TMSB4X: variants seen among roughly 807,000 people sequenced by gnomAD.
The protein encoded by TMSB4X is thymosin beta-4.
Under a neutral mutation model 3.6 loss-of-function variants are expected in TMSB4X, and 1 was observed. The ratio of observed to expected loss-of-function variants is 0.28; its 90% confidence interval spans 0.10 to 1.32. The LOEUF (loss-of-function observed/expected upper bound fraction) is 1.32. TMSB4X is among the 40% of genes most tolerant of loss of function. The pLI, the probability that TMSB4X is intolerant of heterozygous loss-of-function variation, is 0.45. For missense variants in TMSB4X, 6 were observed against 32.7 expected (o/e 0.18, Z 1.99); for synonymous variants, 12 against 14.3 (o/e 0.84, Z 0.36).
rs1368189496 is a variant in TMSB4X at position 12,976,857 on chromosome X, C to A, written c.*46C>A. On this transcript the variant is annotated 3_prime_UTR_variant, in exon 3 of 3. Coordinates refer to ENST00000451311, the MANE Select transcript of TMSB4X (RefSeq NM_021109.4). ...TGCACTGTACATTCCACAAGCATTGCCTTCTTATTTTACTTCTTTTAGCTG... is the reference window on the plus strand; with the variant it reads ...TGCACTGTACATTCCACAAGCATTGACTTCTTATTTTACTTCTTTTAGCTG... 3 of 1,159,481 alleles carry A rather than the reference C, an allele frequency of 2.6e-6. No homozygotes were observed. The highest frequency in any genetic ancestry group is 3.5e-6 in the Non-Finnish European group (3 of 856,236).
chrX:12,975,929 C>T (rs1340754976), intron 1 of TMSB4X: 1 of 143,146 alleles, frequency 7.0e-6, no homozygotes. Context: ...TTTCCTTGTC[C>T]TAGCCAGCCT....
At chrX:12,975,492 C>G (rs765663711) in intron 1 of TMSB4X, 1 of 113,077 alleles carries the variant, frequency 8.8e-6, no homozygotes, top group Admixed American at 9.2e-5. Context: ...TAGACAAGTC[C>G]TTTGTTCTGA....
At chrX:12,976,400 T>TG (rs749860126) in intron 2 of TMSB4X, 39 bp downstream of exon 2, 31 of 984,023 alleles carry the variant, frequency 3.2e-5, no homozygotes, top group Non-Finnish European at 3.8e-5. Flanking sequence ...AAAGGCTGGG[T>TG]GGGAGCGGCC....
intron 1 of TMSB4X, chrX:12,975,392 C>G (rs115781169): frequency 8.8e-6 from 1 of 113,045 alleles, no homozygotes; most frequent in South Asian, 3.6e-4. Flanking sequence ...TGGCGTTTTG[C>G]CGTGCCGCTC....
intron 2 of TMSB4X, 59 bp from the exon 3 acceptor site, chrX:12,976,718 G>A: frequency 8.7e-7 from 1 of 1,155,996 alleles, no homozygotes; most frequent in Non-Finnish European, 1.2e-6. Flanking sequence ...CCTTTAGTCT[G>A]TACTGAATCC....
intron 1 of TMSB4X, chrX:12,976,036 G>A (rs2043294183): frequency 2.6e-6 from 1 of 382,413 alleles, no homozygotes; most frequent in Admixed American, 4.5e-5. Context: ...TTGGTCCACA[G>A]CGTTTTGAAA....
At chrX:12,976,452 C>A in intron 2 of TMSB4X, 91 bp downstream of exon 2, 1 of 720,652 alleles carries the variant, frequency 1.4e-6, no homozygotes. Flanking sequence ...GGGAAGAATT[C>A]GGGAGGGGGG....
At chrX:12,976,161 C>G in intron 1 of TMSB4X, 85 bp from the exon 2 acceptor site, 1 of 666,250 alleles carries the variant, frequency 1.5e-6, no homozygotes, top group African/African-American at 2.2e-5. Flanking sequence ...GGCTGCGGGT[C>G]GGAGGGCAGA....
chrX:12,976,035 A>T (rs2043294167), intron 1 of TMSB4X: 1 of 379,355 alleles, frequency 2.6e-6, no homozygotes, highest in Non-Finnish European at 4.7e-6. Flanking sequence ...TTTGGTCCAC[A>T]GCGTTTTGAA....
Position 12,977,095 on chromosome X carries a change from C to A in TMSB4X, c.*284C>A. 1 of 355,140 alleles carries A rather than the reference C, an allele frequency of 2.8e-6. No individual in the cohort carries two copies. Among genetic ancestry groups the A allele is most frequent in the Non-Finnish European group, 5.0e-6 (1 of 200,536 alleles). 29.3% of individuals were successfully genotyped at this position (355,140 alleles called of 1,213,427 possible). On this transcript the variant is annotated 3_prime_UTR_variant, in exon 3 of 3. Coordinates refer to ENST00000451311, the MANE Select transcript of TMSB4X (RefSeq NM_021109.4). ...GACGACAGTGAAATCTAGAGTAAAA[C>A]CAAGCTGGCCCAAGGTGTCCTGCAG...
At chrX:12,975,587 G>A (rs1191324300) in intron 1 of TMSB4X, 1 of 113,434 alleles carries the variant, frequency 8.8e-6, no homozygotes, top group Non-Finnish European at 1.9e-5. Flanking sequence ...CGGCGGGGCT[G>A]TGCTATGACA....
chrX:12,975,459 T>C (rs1427450328), intron 1 of TMSB4X: 1 of 113,124 alleles, frequency 8.8e-6, no homozygotes, highest in East Asian at 2.8e-4. Flanking sequence ...GTGCGTTGCC[T>C]TGGAGGCTGA....
chrX:12,976,597 T>A (rs1436077527), intron 2 of TMSB4X, among the ~76,000 whole-genome samples, 180 bp from the exon 3 acceptor site: 1 of 112,393 alleles, frequency 8.9e-6, no homozygotes, highest in East Asian at 2.8e-4. Flanking sequence ...TATACAAACA[T>A]TTATCCATTA....
At chrX:12,975,922 C>G (rs2147274760) in intron 1 of TMSB4X, 1 of 134,995 alleles carries the variant, frequency 7.4e-6, no homozygotes, top group South Asian at 2.8e-4. Flanking sequence ...CCTCTTCTTT[C>G]CTTGTCCTAG....
At chrX:12,976,748 CTTTTTT>C in intron 2 of TMSB4X, 23 bp from the exon 3 acceptor site, 6 of 1,074,275 alleles carry the variant, frequency 5.6e-6, no homozygotes, top group East Asian at 3.3e-5. Context: ...CTCCCTCCAT[CTTTTTT>C]TTTTTTTTTT....
chrX:12,976,436 GGCCGCGGGAAGAATT>G (rs1286189350), intron 2 of TMSB4X, 75 bp downstream of exon 2: 1 of 933,151 alleles, frequency 1.1e-6, no homozygotes, highest in Non-Finnish European at 1.5e-6. Flanking sequence ...GGCTGGGAGC[GGCCGCGGGAAGAATT>G]CGGGAGGGGG....
intron 1 of TMSB4X, 171 bp from the exon 2 acceptor site, chrX:12,976,075 G>T: frequency 2.5e-6 from 1 of 405,512 alleles, no homozygotes; most frequent in Non-Finnish European, 4.4e-6. Flanking sequence ...GGGGGGTGTC[G>T]CCTCTTTTTC....
At chrX:12,976,474 A>G (rs1400902634) in intron 2 of TMSB4X, 113 bp downstream of exon 2, 5 of 660,970 alleles carry the variant, frequency 7.6e-6, no homozygotes, top group Non-Finnish European at 1.2e-5. Context: ...GTGCGGGGGA[A>G]GAGCCGACAG....
intron 2 of TMSB4X, among the ~76,000 whole-genome samples, 188 bp downstream of exon 2, chrX:12,976,549 A>C (rs1310533311): frequency 9.0e-6 from 1 of 111,731 alleles, no homozygotes; most frequent in African/African-American, 3.3e-5. Flanking sequence ...ACGGGGCTTT[A>C]GTAATTTAGT....
Sources: gnomAD v4.1 joint callset for allele counts (sites outside exome capture counted in the v4.1 genomes callset) on GRCh38, gnomAD v4.1.1 for gene constraint, MANE v1.5 for transcripts, NCBI Gene and HGNC (gene_info 2026-07-23, HGNC 2026-07-21) for gene names.